Variants in UNC5D observed in about 807,000 individuals in gnomAD.
UNC5D encodes the protein netrin receptor UNC5D.
In UNC5D, 39 loss-of-function variants were observed where a neutral mutation model predicts 105.4. The observed-to-expected ratio is 0.37, with a 90% confidence interval of 0.29 to 0.48. The LOEUF is 0.48. UNC5D is among the 20% of genes least tolerant of loss of function. The pLI, the probability that UNC5D is intolerant of heterozygous loss-of-function variation, is 0.98. For missense variants in UNC5D, 991 were observed against 1,202.4 expected (o/e 0.82, Z 2.60); for synonymous variants, 452 against 450.4 (o/e 1.00, Z -0.04).
intron 1 of UNC5D, among the ~76,000 whole-genome samples, chr8:35,395,293 G>A (rs945227017): frequency 6.6e-6 from 1 of 152,086 alleles, no homozygotes; most frequent in African/African-American, 2.4e-5. Context: ...AGTTTATAAC[G>A]CTAGTTGATC....
At chr8:35,506,145 C>T (rs1039618079) in intron 1 of UNC5D, among the ~76,000 whole-genome samples, 16 of 151,976 alleles carry the variant, frequency 1.1e-4, no homozygotes, top group African/African-American at 2.9e-4. Context: ...TATTAGAAAC[C>T]CAGGTACTTT....
At chr8:35,644,384 G>T (rs1822926229) in intron 4 of UNC5D, among the ~76,000 whole-genome samples, 1 of 152,064 alleles carries the variant, frequency 6.6e-6, no homozygotes, top group Non-Finnish European at 1.5e-5. Context: ...ATCCACAGGG[G>T]ACCAAGATGT....
intron 1 of UNC5D, among the ~76,000 whole-genome samples, chr8:35,463,653 G>A (rs1011291842): frequency 5.3e-5 from 8 of 151,720 alleles, no homozygotes; most frequent in South Asian, 2.1e-4. Flanking sequence ...AGGTGTGGTG[G>A]CACACACCTG....
At chr8:35,360,432 C>T (rs1801797332) in intron 1 of UNC5D, among the ~76,000 whole-genome samples, 1 of 152,172 alleles carries the variant, frequency 6.6e-6, no homozygotes, top group Admixed American at 6.5e-5. Flanking sequence ...TTCATTAAAT[C>T]AGAGTTATGG....
At chr8:35,612,799 G>A (rs904998766) in intron 4 of UNC5D, among the ~76,000 whole-genome samples, 1 of 127,572 alleles carries the variant, frequency 7.8e-6, no homozygotes, top group South Asian at 2.7e-4. Flanking sequence ...AAGGTTTTGA[G>A]AAGGCCTATT....
At chr8:35,754,198 A>G (rs1479940868) in intron 13 of UNC5D, among the ~76,000 whole-genome samples, 5 of 152,250 alleles carry the variant, frequency 3.3e-5, no homozygotes, top group Non-Finnish European at 4.4e-5. Context: ...TAGAGTATAC[A>G]GTAATAATAT....
intron 4 of UNC5D, among the ~76,000 whole-genome samples, chr8:35,659,992 G>A (rs374299007): frequency 6.6e-6 from 1 of 152,174 alleles, no homozygotes; most frequent in Non-Finnish European, 1.5e-5. Context: ...TTAAGGAAGA[G>A]TTCACTTCCC....
At chr8:35,645,932 C>T (rs2131155016) in intron 4 of UNC5D, among the ~76,000 whole-genome samples, 1 of 152,194 alleles carries the variant, frequency 6.6e-6, no homozygotes, top group Non-Finnish European at 1.5e-5. Flanking sequence ...CACACACACA[C>T]ACACTCCTTT....
chr8:35,275,922 T>C (rs570025599), intron 1 of UNC5D, among the ~76,000 whole-genome samples: 4 of 152,290 alleles, frequency 2.6e-5, no homozygotes, highest in Non-Finnish European at 5.9e-5. Flanking sequence ...TTCTAAGGGA[T>C]TAGGGATGTA....
chr8:35,544,530 C>T, intron 1 of UNC5D: 2 of 1,612,262 alleles, frequency 1.2e-6, no homozygotes, highest in East Asian at 4.5e-5. Flanking sequence ...TCCCAAACTT[C>T]ACCAGGTAAG....
Position 35,750,755 on chromosome 8 carries a change from C to T in UNC5D, c.2109C>T (p.Ser703=). 1.2e-6 allele frequency: 2 copies of T among 1,614,090 alleles called. No individual in the cohort carries two copies. The highest frequency in any genetic ancestry group is 1.1e-5 in the South Asian group (1 of 91,084). ...VAVFGCMSCN[S]LDYNLRVYCV... ...TTTTTGGCTGCATGTCCTGTAACTC[C>T]CTGGATTACAACTTGAGAGTTTACT... Residue 703 remains serine, a synonymous_variant, in exon 13 of 17, where the codon TCC becomes TCT. Transcript: ENST00000404895.
At chr8:35,425,751 C>G (rs952647166) in intron 1 of UNC5D, among the ~76,000 whole-genome samples, 2 of 152,148 alleles carry the variant, frequency 1.3e-5, no homozygotes, top group African/African-American at 4.8e-5. Flanking sequence ...TATTGGCAGG[C>G]TCTGAATTTG....
At chr8:35,762,023 C>T (rs2131689785) in intron 14 of UNC5D, among the ~76,000 whole-genome samples, 1 of 152,264 alleles carries the variant, frequency 6.6e-6, no homozygotes, top group South Asian at 2.1e-4. Flanking sequence ...TCACACTATT[C>T]CTGACATTGT....
intron 1 of UNC5D, among the ~76,000 whole-genome samples, chr8:35,337,522 G>T (rs1236572804): frequency 2.0e-5 from 3 of 152,176 alleles, no homozygotes; most frequent in African/African-American, 7.2e-5. Flanking sequence ...TCAGCTTGCA[G>T]TCATCAAGAA....
chr8:35,729,273 A>G (rs758171857), intron 10 of UNC5D, among the ~76,000 whole-genome samples: 4 of 152,178 alleles, frequency 2.6e-5, no homozygotes, highest in Non-Finnish European at 4.4e-5. Flanking sequence ...CTGTTTTGCT[A>G]TGAGAGTTGG....
At chr8:35,707,496 G>A (rs979701430) in intron 8 of UNC5D, among the ~76,000 whole-genome samples, 1 of 152,106 alleles carries the variant, frequency 6.6e-6, no homozygotes, top group Admixed American at 6.6e-5. Flanking sequence ...GGCATTGAGG[G>A]AGAGAGAAAT....
chr8:35,429,829 C>T (rs1048028859), intron 1 of UNC5D, among the ~76,000 whole-genome samples: 1 of 152,050 alleles, frequency 6.6e-6, no homozygotes, highest in African/African-American at 2.4e-5. Context: ...TTTTTTGTTA[C>T]TATAGAGCCT....
intron 1 of UNC5D, among the ~76,000 whole-genome samples, chr8:35,519,130 T>A (rs1379529297): frequency 6.6e-6 from 1 of 152,136 alleles, no homozygotes; most frequent in Non-Finnish European, 1.5e-5. Context: ...GTCTAGTCTC[T>A]TTAGCCTTTT....
chr8:35,730,615 C>T (rs1433477149), intron 10 of UNC5D, among the ~76,000 whole-genome samples: 1 of 152,068 alleles, frequency 6.6e-6, no homozygotes, highest in Admixed American at 6.6e-5. Context: ...TGTAGGTTTT[C>T]AGGAAATAAA....
Sources: gnomAD v4.1 joint callset for allele counts (sites outside exome capture counted in the v4.1 genomes callset) on GRCh38, gnomAD v4.1.1 for gene constraint, MANE v1.5 for transcripts, NCBI Gene and HGNC (gene_info 2026-07-23, HGNC 2026-07-21) for gene names.